TNRC18: variants seen among roughly 807,000 people sequenced by gnomAD.
The protein encoded by TNRC18 is trinucleotide repeat containing 18.
In TNRC18, 69 loss-of-function variants were observed where a neutral mutation model predicts 226.7. The ratio of observed to expected loss-of-function variants is 0.30; its 90% CI spans 0.25 to 0.37. The LOEUF (loss-of-function observed/expected upper bound fraction) is 0.37. Among genes scored for constraint, TNRC18 ranks in the 10% least tolerant of loss-of-function variants. The pLI is 1.00. For synonymous variants in TNRC18, 2,449 were observed against 1,927.6 expected (o/e 1.27, Z -7.09); for missense variants, 4,754 against 4,256.6 (o/e 1.12, Z -3.25).
At chr7:5,325,296 AC>A (rs1252823306) in intron 19 of TNRC18, 48 bp from the exon 20 acceptor site, 1 of 1,535,174 alleles carries the variant, frequency 6.5e-7, no homozygotes, top group African/African-American at 1.4e-5. Flanking sequence ...CAGGGAAAGC[AC>A]AGGCAGCACC....
chr7:5,344,846 G>C (rs1179855978), intron 18 of TNRC18, among the ~76,000 whole-genome samples: 1 of 152,144 alleles, frequency 6.6e-6, no homozygotes, highest in African/African-American at 2.4e-5. Context: ...GCCCACGAGA[G>C]GGTCCCAAGA....
chr7:5,374,794 C>T (rs1030239252), intron 9 of TNRC18, among the ~76,000 whole-genome samples: 2 of 152,240 alleles, frequency 1.3e-5, no homozygotes, highest in Non-Finnish European at 2.9e-5. Context: ...CCCTCACAGT[C>T]AGGACAAGGG....
intron 19 of TNRC18, among the ~76,000 whole-genome samples, chr7:5,328,578 G>A (rs1473056156): frequency 2.6e-5 from 4 of 151,086 alleles, no homozygotes; most frequent in Non-Finnish European, 4.4e-5. Context: ...GCACAATCTC[G>A]GCTCACTGCA....
At chr7:5,325,436 T>C (rs1032866683) in intron 19 of TNRC18, 188 bp from the exon 20 acceptor site, 1 of 623,764 alleles carries the variant, frequency 1.6e-6, no homozygotes, top group Non-Finnish European at 2.6e-6. Flanking sequence ...TTGTTTTTTT[T>C]TTTTTGAGAC....
chr7:5,345,967 T>TC (rs963720408), intron 17 of TNRC18, among the ~76,000 whole-genome samples, 157 bp from the exon 18 acceptor site: 23 of 152,134 alleles, frequency 1.5e-4, no homozygotes, highest in Middle Eastern at 3.4e-3. Flanking sequence ...GCCCACGGGT[T>TC]CCCCCCATCC....
intron 18 of TNRC18, among the ~76,000 whole-genome samples, chr7:5,336,021 A>C (rs1790075346): frequency 6.6e-6 from 1 of 152,008 alleles, no homozygotes; most frequent in Non-Finnish European, 1.5e-5. Flanking sequence ...AGCCTGGCCA[A>C]CATGGCAAAA....
chr7:5,420,361 C>T, intron 2 of TNRC18: 1 of 456,164 alleles, frequency 2.2e-6, no homozygotes, highest in South Asian at 1.5e-5. Flanking sequence ...GGTCCGGTTT[C>T]GGTGTCCCTG....
intron 2 of TNRC18, among the ~76,000 whole-genome samples, chr7:5,417,026 A>G (rs1271680145): frequency 7.0e-6 from 1 of 143,344 alleles, no homozygotes; most frequent in Non-Finnish European, 1.5e-5. Context: ...AGCTGGGTGC[A>G]GTGGTGCACA....
At position 5,356,924 on chromosome 7, in the gene TNRC18, T is replaced by G. The variant is rs1331953252; in HGVS notation, c.5186A>C (p.Tyr1729Ser). 6.5e-7 allele frequency: 1 copy of G among 1,543,948 alleles called. No individual in the cohort carries two copies. The highest frequency in any genetic ancestry group is 8.7e-7 in the Non-Finnish European group (1 of 1,143,194). ...CGGCATACGCTACTTACTGTAAGAG[T>G]AGCTGCTCACTTCCGAGGCAAACGG... ...HSPFASEVSS[Y>S]SYNTDSEEDE... Residue 1729 changes from tyrosine (Y) to serine (S), a missense_variant, in exon 16 of 30, where the codon TAC becomes TCC. Physicochemically the swap from Tyr to Ser is moderately radical, Grantham distance 144. Transcript: ENST00000430969.
rs76882791 is a variant in TNRC18, at chr7:5,313,318, G to C, written c.7573C>G (p.Leu2525Val). The change falls in exon 27 of 30, where the codon CTC becomes GTC. Residue 2525 changes from leucine (L) to valine (V), a missense_variant. Leu to Val is a conservative substitution (Grantham distance 32). Transcript: ENST00000430969. ...APWPKATDGD[L>V]AQEPGPGLTF... ...AGCCCCGGCCCGGGCTCCTGGGCGA[G>C]GTCCCCGTCGGTGGCCTTGGGCCAG... The C allele has an allele frequency of 0.13, 195,417 of 1,549,704 alleles. 13,703 individuals carry two copies. Among genetic ancestry groups the C allele is most frequent in the Admixed American group, 0.29 (14,777 of 51,098 alleles).
Position 5,394,191 on chromosome 7 carries a change from C to T in TNRC18, c.343+249G>A, listed in dbSNP as rs966843070. On this transcript the variant is annotated intron_variant, in intron 3 of 29. Transcript: ENST00000430969. The surrounding 1 kb of genome is among the most constrained non-coding windows in gnomAD (Gnocchi z 4.5). ...GGAAGAGGGGGTCTCTGAGCTGAGC[C>T]GGAGGAGGACTGGAAGGTGGTCTGT... 7.9e-5 allele frequency among the ~76,000 whole-genome samples: 12 copies of T among 152,070 alleles called. No individual in the cohort carries two copies. The highest frequency in any genetic ancestry group is 1.2e-4 in the Non-Finnish European group (8 of 68,018).
chr7:5,351,166 C>A (rs1791767486), intron 17 of TNRC18, among the ~76,000 whole-genome samples: 1 of 152,014 alleles, frequency 6.6e-6, no homozygotes, highest in East Asian at 1.9e-4. Context: ...GCGGCACGGT[C>A]CCGTCCCTAC....
At chr7:5,308,453 T>G (rs1583705659) in intron 29 of TNRC18, 141 bp from the exon 30 acceptor site, 1 of 749,772 alleles carries the variant, frequency 1.3e-6, no homozygotes, top group Non-Finnish European at 2.2e-6. Flanking sequence ...AGAGGCTGAG[T>G]AAGAGACAGA....
chr7:5,350,731 G>A (rs1196792851), intron 17 of TNRC18, among the ~76,000 whole-genome samples: 1 of 152,228 alleles, frequency 6.6e-6, no homozygotes, highest in Non-Finnish European at 1.5e-5. Context: ...TCTGACACTG[G>A]AAAGGGCAAG....
intron 18 of TNRC18, among the ~76,000 whole-genome samples, chr7:5,336,391 A>C (rs1790122126): frequency 6.6e-6 from 1 of 152,152 alleles, no homozygotes; most frequent in Admixed American, 6.6e-5. Context: ...TGAAAATTTC[A>C]CCAGAGAAAT....
intron 9 of TNRC18, among the ~76,000 whole-genome samples, chr7:5,375,313 AAAC>A (rs924950495): frequency 2.7e-5 from 4 of 148,246 alleles, no homozygotes; most frequent in African/African-American, 1.0e-4. Flanking sequence ...CACCTCAAAA[AAAC>A]AACAAAAACA....
chr7:5,383,957 A>AAT (rs1554294787), intron 5 of TNRC18, among the ~76,000 whole-genome samples: 3 of 78,794 alleles, frequency 3.8e-5, no homozygotes, highest in Admixed American at 2.0e-4. Context: ...TACCCGGGTG[A>AAT]TTTTTTTTTT....
chr7:5,402,434 C>G (rs13235430), intron 2 of TNRC18, among the ~76,000 whole-genome samples: 40,718 of 151,808 alleles, frequency 0.27, 6,369 homozygotes, highest in South Asian at 0.34. Context: ...ACTCAGGAGG[C>G]TGAGGTGGGA....
chr7:5,308,955 T>C lies in TNRC18; in HGVS notation c.8626-6A>G, dbSNP rs1009384395. 2.5e-6 allele frequency: 4 copies of C among 1,593,464 alleles called. No homozygotes were observed. Among genetic ancestry groups the C allele is most frequent in the South Asian group, 2.3e-5 (2 of 88,542 alleles). On this transcript the variant is annotated splice_polypyrimidine_tract_variant and splice_region_variant and intron_variant, in intron 28 of 29. Transcript: ENST00000430969. ...CTGGACTTCTGGTCCCAGTGCTGTG[T>C]GGGGGAGAGAGGAGGGGCTTGGGTG...
Sources: allele counts gnomAD v4.1 joint callset (sites outside exome capture counted in the v4.1 genomes callset), GRCh38; gene constraint gnomAD v4.1.1; non-coding constraint Gnocchi (gnomAD v3.1); transcripts MANE v1.5; gene names NCBI Gene and HGNC (gene_info 2026-07-23, HGNC 2026-07-21).